AGAP3: variants seen among roughly 807,000 people sequenced by gnomAD.
AGAP3 encodes the protein arf-GAP with GTPase, ANK repeat and PH domain-containing protein 3.
A neutral mutation model predicts 96.9 loss-of-function variants in AGAP3; 24 were observed. That is an observed-to-expected ratio of 0.25 (90% CI 0.18 to 0.35). The LOEUF is 0.35. Among genes scored for constraint, AGAP3 ranks in the 10% least tolerant of loss-of-function variants. The pLI, the probability that AGAP3 is intolerant of heterozygous loss-of-function variation, is 1.00. For missense variants in AGAP3, 876 were observed against 1,254.2 expected (o/e 0.70, Z 4.55); for synonymous variants, 563 against 536.1 (o/e 1.05, Z -0.69).
intron 1 of AGAP3, 32 bp downstream of exon 1, chr7:151,087,104 G>A (rs936973453): frequency 1.9e-6 from 3 of 1,565,124 alleles, no homozygotes; most frequent in Non-Finnish European, 1.7e-6. Context: ...GGGAGCCGGG[G>A]CGCAGTGGCC....
At chr7:151,109,400 A>C (rs1362726995) in intron 1 of AGAP3, among the ~76,000 whole-genome samples, 1 of 152,148 alleles carries the variant, frequency 6.6e-6, no homozygotes, top group Non-Finnish European at 1.5e-5. Context: ...GTCTGAGATA[A>C]AGGTGTGGGC....
intron 8 of AGAP3, chr7:151,122,952 G>A: frequency 6.9e-7 from 1 of 1,439,622 alleles, no homozygotes; most frequent in Non-Finnish European, 9.1e-7. Context: ...GGAAGGCTAG[G>A]AGCGCCGGAG....
At chr7:151,110,930 C>G (rs1275781619) in intron 1 of AGAP3, among the ~76,000 whole-genome samples, 1 of 152,122 alleles carries the variant, frequency 6.6e-6, no homozygotes, top group Non-Finnish European at 1.5e-5. Context: ...AATTTAGGTC[C>G]ATGGCTGCTG....
intron 8 of AGAP3, chr7:151,120,537 G>C (rs182166917): frequency 4.1e-6 from 4 of 976,890 alleles, no homozygotes; most frequent in African/African-American, 1.7e-5. Flanking sequence ...ACCGGCGGCC[G>C]GAAGGCTGTT....
chr7:151,120,154 C>G lies in AGAP3; in HGVS notation c.1128+9C>G. 2 of 1,586,828 alleles carry G rather than the reference C, an allele frequency of 1.3e-6. No individual in the cohort carries two copies. The highest frequency in any genetic ancestry group is 1.7e-6 in the Non-Finnish European group (2 of 1,162,580). On this transcript the variant is annotated intron_variant, in intron 8 of 17. Transcript: ENST00000397238. ...GCTCCAACATCTTCACGGTACGTGA[C>G]TGCCCTCCTCCCCCGCCCAGCTGCC...
chr7:151,144,262 A>C lies in AGAP3; in HGVS notation c.*319A>C. 1 of 372,154 alleles carries C rather than the reference A, an allele frequency of 2.7e-6. No homozygotes were observed. Among genetic ancestry groups the C allele is most frequent in the Non-Finnish European group, 4.9e-6 (1 of 203,608 alleles). 23.1% of individuals were successfully genotyped at this position (372,154 alleles called of 1,614,324 possible). ...CTGCCTCCTAGTGCCAGCCCCTCAC[A>C]CGCCTTCATCCTGAAACAGGAAGAG... On this transcript the variant is annotated 3_prime_UTR_variant, in exon 18 of 18. Coordinates refer to ENST00000397238, the MANE Select transcript of AGAP3 (RefSeq NM_031946.7).
In AGAP3 at chr7:151,140,154, GGGC is replaced by G; in HGVS notation, c.1804+39_1804+41del. 6.6e-7 allele frequency: 1 copy of G among 1,516,424 alleles called. No individual in the cohort carries two copies. The allele number at this position is 1,516,424 out of a possible 1,614,324, so 93.9% of individuals were successfully genotyped here. A position where few individuals can be genotyped will look rare whatever the true frequency, so the allele number is the denominator to read the frequency against. ...CAGAGGGAAACCGGGCACAGGAGGTGGGCAGTGGGACTTGGGGATAGTACCCTA... is the reference window on the plus strand; with the variant it reads ...CAGAGGGAAACCGGGCACAGGAGGTGAGTGGGACTTGGGGATAGTACCCTA... On this transcript the variant is annotated intron_variant, in intron 13 of 17. Transcript: ENST00000397238. This position sits in a 1 kb window ranked among gnomAD's most constrained non-coding sequence, Gnocchi z 5.4.
In AGAP3 at chr7:151,143,775, G is replaced by A. The variant is rs1800915029; in HGVS notation, c.2568G>A (p.Leu856=). Residue 856 remains leucine, a synonymous_variant, in exon 18 of 18, where the codon CTG becomes CTA. Transcript: ENST00000397238. This position sits in a 1 kb window ranked among gnomAD's most constrained non-coding sequence, Gnocchi z 5.9. ...VDVRSRDARG[L]TPLAYARRAG... is the part of the protein sequence containing the mutation. ...TGAGGAGCCGGGACGCCCGGGGCCTGACTCCACTGGCATATGCTCGCCGGG... is the reference window on the plus strand; with the variant it reads ...TGAGGAGCCGGGACGCCCGGGGCCTAACTCCACTGGCATATGCTCGCCGGG... 1 of 1,614,150 alleles carries A rather than the reference G, an allele frequency of 6.2e-7. No homozygotes were observed.
At position 151,142,768 on chromosome 7, in the gene AGAP3, C is replaced by T; in HGVS notation, c.2273+134C>T. 1.0e-6 allele frequency: 1 copy of T among 985,410 alleles called. No individual in the cohort carries two copies. Among genetic ancestry groups the T allele is most frequent in the South Asian group, 1.7e-5 (1 of 60,346 alleles). The allele number at this position is 985,410 out of a possible 1,614,324, so 61.0% of individuals were successfully genotyped here. ...CTGTTGCTCTGCTTGGCAGTTGGCC[C>T]CTTGGGGGTGCCCCTCCTGCTCTGG... On this transcript the variant is annotated intron_variant, in intron 16 of 17. Coordinates refer to ENST00000397238, the MANE Select transcript of AGAP3 (RefSeq NM_031946.7). The surrounding 1 kb of genome is among the most constrained non-coding windows in gnomAD (Gnocchi z 7.5).
At chr7:151,127,343 C>G (rs1457956933) in intron 9 of AGAP3, among the ~76,000 whole-genome samples, 1 of 152,156 alleles carries the variant, frequency 6.6e-6, no homozygotes, top group Non-Finnish European at 1.5e-5. Context: ...GGGCCTCTTC[C>G]CTCTCTGGGC....
At chr7:151,126,278 CTGACTGTCG>C (rs1300765538) in intron 9 of AGAP3, among the ~76,000 whole-genome samples, 1 of 148,862 alleles carries the variant, frequency 6.7e-6, no homozygotes, top group African/African-American at 2.4e-5. Context: ...CCTTCCCGCC[CTGACTGTCG>C]GAGAAACCGC....
rs1338521069 is a variant in AGAP3, at chr7:151,140,632, C to T, written c.1804+516C>T. ...TCCTCAAAGTATCTTCAAAACCTCCCTCTTCTTGGTGATTGGAGTTTCTTT... is the reference window on the plus strand; with the variant it reads ...TCCTCAAAGTATCTTCAAAACCTCCTTCTTCTTGGTGATTGGAGTTTCTTT... On this transcript the variant is annotated intron_variant, in intron 13 of 17. Transcript: ENST00000397238. This position sits in a 1 kb window ranked among gnomAD's most constrained non-coding sequence, Gnocchi z 5.4. 4 of 152,208 alleles carry T rather than the reference C, an allele frequency of 2.6e-5. No homozygotes were observed. The highest frequency in any genetic ancestry group is 2.6e-4 in the Admixed American group (4 of 15,280). 9.4% of individuals were successfully genotyped at this position (152,208 alleles called of 1,614,324 possible).
rs757987342 is a variant in AGAP3, at chr7:151,117,591, T to C, written c.565-45T>C. On this transcript the variant is annotated intron_variant, in intron 4 of 17. Coordinates refer to ENST00000397238, the MANE Select transcript of AGAP3 (RefSeq NM_031946.7). ...AGTTCACCTGCCCTGCATGGGAGTTTGCCAGGTCCAGTTGCGGGTGCTAAT... is the reference window on the plus strand; with the variant it reads ...AGTTCACCTGCCCTGCATGGGAGTTCGCCAGGTCCAGTTGCGGGTGCTAAT... 10 of 1,612,152 alleles carry C rather than the reference T, an allele frequency of 6.2e-6. No homozygotes were observed. In the Admixed American group the frequency reaches 1.0e-4, roughly 16 times the overall value.
At chr7:151,087,295 T>G in intron 1 of AGAP3, 3 of 570,082 alleles carry the variant, frequency 5.3e-6, no homozygotes, top group Non-Finnish European at 3.2e-6. Flanking sequence ...GCTGACTGTG[T>G]TCCAGGGCGC....
Position 151,141,736 on chromosome 7 carries a change from C to T in AGAP3, c.1805-162C>T. The T allele has an allele frequency of 1.3e-6, 1 of 798,916 alleles. No individual in the cohort carries two copies. Among genetic ancestry groups the T allele is most frequent in the Non-Finnish European group, 2.0e-6 (1 of 493,362 alleles). 49.5% of individuals were successfully genotyped at this position (798,916 alleles called of 1,614,324 possible). On this transcript the variant is annotated intron_variant, in intron 13 of 17. Coordinates refer to ENST00000397238, the MANE Select transcript of AGAP3 (RefSeq NM_031946.7). The surrounding 1 kb of genome is among the most constrained non-coding windows in gnomAD (Gnocchi z 4.2). ...AGTCTTGCAGGTTTACTCTGGCCTC[C>T]CCCTGCAAGCTGTCCTGGAGTGTGT...
intron 10 of AGAP3, among the ~76,000 whole-genome samples, chr7:151,132,098 A>G (rs1279067011): frequency 6.6e-6 from 1 of 152,204 alleles, no homozygotes; most frequent in Non-Finnish European, 1.5e-5. Flanking sequence ...TGAAAGCAAG[A>G]CAGAGGGCCG....
At chr7:151,117,963 TC>T in intron 5 of AGAP3, 186 bp downstream of exon 5, 1 of 913,712 alleles carries the variant, frequency 1.1e-6, no homozygotes, top group Non-Finnish European at 1.6e-6. Flanking sequence ...AAACCTGCTG[TC>T]CCTGTGACTA....
chr7:151,104,390 C>T (rs939366862), intron 1 of AGAP3, among the ~76,000 whole-genome samples: 1 of 152,128 alleles, frequency 6.6e-6, no homozygotes, highest in African/African-American at 2.4e-5. Flanking sequence ...GCACATGTGC[C>T]GGATACATGC....
intron 1 of AGAP3, among the ~76,000 whole-genome samples, chr7:151,104,983 A>C (rs1798985863): frequency 6.6e-6 from 1 of 152,158 alleles, no homozygotes; most frequent in African/African-American, 2.4e-5. Flanking sequence ...TTTGGTGTGA[A>C]CTGCAGCGTG....
Sources: gnomAD v4.1 joint callset for allele counts (sites outside exome capture counted in the v4.1 genomes callset) on GRCh38, gnomAD v4.1.1 for gene constraint, Gnocchi (gnomAD v3.1) non-coding constraint, MANE v1.5 for transcripts, NCBI Gene and HGNC (gene_info 2026-07-23, HGNC 2026-07-21) for gene names.